The following LRP6 variants were observed in gnomAD, a reference collection of about 807,000 sequenced individuals.
LRP6 encodes LDL receptor related protein 6.
A neutral mutation model predicts 184.1 loss-of-function variants in LRP6; 43 were observed. That is an observed-to-expected ratio of 0.23 (90% confidence interval 0.18 to 0.30). LRP6 has a LOEUF of 0.30. Among genes scored for constraint, LRP6 ranks in the 10% least tolerant of loss-of-function variants. LRP6 has a pLI of 1.00. For synonymous variants in LRP6, 719 were observed against 684.9 expected (o/e 1.05, Z -0.78); for missense variants, 1,571 against 2,005.3 (o/e 0.78, Z 4.14).
At chr12:12,223,197 C>T (rs1037326308) in intron 2 of LRP6, among the ~76,000 whole-genome samples, 2 of 144,710 alleles carry the variant, frequency 1.4e-5, no homozygotes, top group Non-Finnish European at 3.0e-5. Context: ...AAAAAAAAAC[C>T]AGGACCTAAG....
At chr12:12,141,095 C>T (rs1035753749) in intron 15 of LRP6, among the ~76,000 whole-genome samples, 2 of 150,946 alleles carry the variant, frequency 1.3e-5, no homozygotes, top group African/African-American at 4.9e-5. Context: ...ATGCTTCCCC[C>T]AAGCTCAAGG....
intron 2 of LRP6, among the ~76,000 whole-genome samples, chr12:12,243,934 G>C (rs1322991768): frequency 1.3e-5 from 2 of 152,058 alleles, no homozygotes; most frequent in African/African-American, 4.8e-5. Context: ...ATTTTTTTTA[G>C]CTAGCCAGGT....
chr12:12,142,550 A>G (rs1313453588), intron 15 of LRP6, among the ~76,000 whole-genome samples: 1 of 150,736 alleles, frequency 6.6e-6, no homozygotes, highest in African/African-American at 2.4e-5. Context: ...AATACGTAAG[A>G]AAAAAAAAAT....
intron 2 of LRP6, among the ~76,000 whole-genome samples, chr12:12,214,466 T>C (rs1864288545): frequency 1.3e-5 from 2 of 152,202 alleles, no homozygotes; most frequent in Admixed American, 6.5e-5. Context: ...AAATCAACTA[T>C]GTTATATAGT....
At chr12:12,133,858 G>A (rs1220589573) in intron 17 of LRP6, among the ~76,000 whole-genome samples, 1 of 108,484 alleles carries the variant, frequency 9.2e-6, no homozygotes, top group African/African-American at 3.3e-5. Flanking sequence ...GGGGGGGGGG[G>A]GGGGAGGGTA....
intron 3 of LRP6, among the ~76,000 whole-genome samples, chr12:12,198,530 C>CTTTTTTTT (rs56150307): frequency 2.6e-5 from 2 of 76,988 alleles, no homozygotes; most frequent in Non-Finnish European, 5.0e-5. Flanking sequence ...GAATTTTTCT[C>CTTTTTTTT]TTTTTTTTTT....
At chr12:12,206,118 C>T (rs758834321) in intron 2 of LRP6, among the ~76,000 whole-genome samples, 1 of 152,194 alleles carries the variant, frequency 6.6e-6, no homozygotes, top group Non-Finnish European at 1.5e-5. Flanking sequence ...GTATAGCAGG[C>T]TGTACCATCT....
At chr12:12,206,383 A>C (rs1864056881) in intron 2 of LRP6, among the ~76,000 whole-genome samples, 1 of 151,926 alleles carries the variant, frequency 6.6e-6, no homozygotes, top group Non-Finnish European at 1.5e-5. Flanking sequence ...TCTATTAAAA[A>C]TACAAAAAAA....
chr12:12,119,991 ATAT>A lies in LRP6; in HGVS notation c.*1132_*1134del, dbSNP rs1949576736. ...CTCAGAAAACAAACAAACAAACAAA[ATAT>A]ATATATATATATATATATATATATA... On this transcript the variant is annotated 3_prime_UTR_variant, in exon 23 of 23. Coordinates refer to ENST00000261349, the MANE Select transcript of LRP6 (RefSeq NM_002336.3). The A allele has an allele frequency of 0.012, 38 of 3,226 alleles. 1 individual carries two copies. Among genetic ancestry groups the A allele is most frequent in the East Asian group, 0.045 (3 of 66 alleles). 0.2% of individuals were successfully genotyped at this position (3,226 alleles called of 1,614,324 possible).
intron 2 of LRP6, among the ~76,000 whole-genome samples, chr12:12,213,528 G>A (rs1864265705): frequency 6.6e-6 from 1 of 151,880 alleles, no homozygotes; most frequent in Non-Finnish European, 1.5e-5. Flanking sequence ...GGTTGAATCA[G>A]TATTTTTCTT....
intron 7 of LRP6, among the ~76,000 whole-genome samples, chr12:12,176,425 T>A (rs1157603537): frequency 6.6e-6 from 1 of 152,156 alleles, no homozygotes; most frequent in Non-Finnish European, 1.5e-5. Flanking sequence ...AGGAGCCAAA[T>A]ACCACAACCA....
chr12:12,135,146 G>A, intron 17 of LRP6, 29 bp downstream of exon 17: 1 of 1,613,390 alleles, frequency 6.2e-7, no homozygotes, highest in Non-Finnish European at 8.5e-7. Flanking sequence ...TGCATTTAGG[G>A]TTGCACAAGA....
chr12:12,262,980 G>A (rs1448620164), intron 1 of LRP6, among the ~76,000 whole-genome samples: 4 of 151,836 alleles, frequency 2.6e-5, no homozygotes, highest in East Asian at 1.9e-4. Flanking sequence ...TGGGCCAGGC[G>A]TGGTGGCTCA....
intron 3 of LRP6, among the ~76,000 whole-genome samples, chr12:12,192,585 C>A (rs1863645883): frequency 1.3e-5 from 2 of 151,906 alleles, no homozygotes; most frequent in Admixed American, 1.3e-4. Context: ...TAGACAGTAA[C>A]CATAAGAGAG....
At chr12:12,181,526 T>C (rs1863345110) in intron 5 of LRP6, 87 bp from the exon 6 acceptor site, 2 of 771,334 alleles carry the variant, frequency 2.6e-6, no homozygotes, top group Middle Eastern at 2.8e-4. Context: ...AACTGAAAAA[T>C]AAATATAAAA....
chr12:12,176,830 G>A (rs1280917127), intron 7 of LRP6, among the ~76,000 whole-genome samples: 3 of 145,274 alleles, frequency 2.1e-5, no homozygotes, highest in Admixed American at 7.3e-5. Context: ...ATATACAACA[G>A]TGTGAGCCCA....
At chr12:12,204,800 A>AC (rs1864009103) in intron 2 of LRP6, among the ~76,000 whole-genome samples, 2 of 147,528 alleles carry the variant, frequency 1.4e-5, no homozygotes. Context: ...TACTAAAAAT[A>AC]CAAAAAAAAA....
chr12:12,133,845 TGGGGGGGGGG>T (rs139201743), intron 17 of LRP6, among the ~76,000 whole-genome samples: 1 of 39,956 alleles, frequency 2.5e-5, no homozygotes, highest in Non-Finnish European at 4.9e-5. Flanking sequence ...TGCTATTTTT[TGGGGGGGGGG>T]GGGGGGGAGG....
intron 1 of LRP6, among the ~76,000 whole-genome samples, chr12:12,258,852 G>C (rs550379764): frequency 1.9e-4 from 29 of 152,134 alleles, no homozygotes; most frequent in Non-Finnish European, 4.0e-4. Context: ...TGTAGTTTGG[G>C]TCTTGTAGTG....
Sources: gnomAD v4.1 joint callset for allele counts (sites outside exome capture counted in the v4.1 genomes callset) on GRCh38, gnomAD v4.1.1 for gene constraint, MANE v1.5 for transcripts, NCBI Gene and HGNC (gene_info 2026-07-23, HGNC 2026-07-21) for gene names.